Variants in DOCK4 observed in about 807,000 individuals in gnomAD.
The protein encoded by DOCK4 is dedicator of cytokinesis protein 4.
Under a neutral mutation model 268.1 loss-of-function variants are expected in DOCK4, and 97 were observed. The observed-to-expected ratio is 0.36, with a 90% CI of 0.31 to 0.43. DOCK4 has a LOEUF of 0.43. Ranked by LOEUF, DOCK4 falls within the 20% of genes least tolerant of loss-of-function variation. The pLI is 1.00. For missense variants in DOCK4, 2,145 were observed against 2,455.7 expected, an observed-to-expected ratio of 0.87 and a Z score of 2.67; for synonymous variants, 954 against 887.2, an observed-to-expected ratio of 1.08 and a Z score of -1.34.
At chr7:112,171,706 C>A (rs1169070854) in intron 1 of DOCK4, among the ~76,000 whole-genome samples, 1 of 152,198 alleles carries the variant, frequency 6.6e-6, no homozygotes, top group African/African-American at 2.4e-5. Flanking sequence ...TTCTCCACAT[C>A]AGTAATTATA....
chr7:111,856,991 ACTCT>A (rs750545659), intron 23 of DOCK4, among the ~76,000 whole-genome samples: 5 of 152,120 alleles, frequency 3.3e-5, no homozygotes, highest in Non-Finnish European at 7.4e-5. Flanking sequence ...CTTTCTAAGG[ACTCT>A]CTATTTTGCA....
intron 2 of DOCK4, among the ~76,000 whole-genome samples, chr7:112,001,800 G>C (rs962534749): frequency 1.3e-5 from 2 of 152,160 alleles, no homozygotes; most frequent in African/African-American, 2.4e-5. Flanking sequence ...ATAAGGTTCA[G>C]TACCATCCAA....
rs560862976 is a variant in DOCK4 at position 112,029,207 on chromosome 7, G to A, written c.38-25076C>T. ...CTGATAAGTTAATCATTGTGAATGT[G>A]CAAGTACAGAAAGGCTGGATGGCCA... is the stretch of plus-strand genomic sequence containing the variant. On this transcript the variant is annotated intron_variant, in intron 1 of 52. Transcript: ENST00000428084. Among the ~76,000 whole-genome samples, 9 of 152,264 alleles carry A rather than the reference G, an allele frequency of 5.9e-5. No homozygotes were observed. The South Asian group carries it at 1.9e-3, about 32-fold the overall frequency.
chr7:112,083,987 G>A (rs1444888878), intron 1 of DOCK4, among the ~76,000 whole-genome samples: 3 of 152,188 alleles, frequency 2.0e-5, no homozygotes, highest in African/African-American at 7.2e-5. Flanking sequence ...GCACAGTTGG[G>A]CTAACACTCT....
At chr7:111,739,013 T>C (rs529341754) in intron 49 of DOCK4, 121 bp downstream of exon 49, 23 of 719,736 alleles carry the variant, frequency 3.2e-5, no homozygotes, top group Admixed American at 5.3e-5. Context: ...CTTCACCAGC[T>C]GGATTGGTCT....
intron 1 of DOCK4, among the ~76,000 whole-genome samples, chr7:112,046,219 T>C (rs1804811293): frequency 6.6e-6 from 1 of 152,138 alleles, no homozygotes; most frequent in South Asian, 2.1e-4. Context: ...ATCTACACAA[T>C]ATAACATAAA....
Position 111,739,276 on chromosome 7 carries a change from A to C in DOCK4, c.5123-33T>G, listed in dbSNP as rs1191277505. 1.9e-6 allele frequency: 3 copies of C among 1,601,930 alleles called. No homozygotes were observed. The Admixed American group carries it at 5.0e-5, about 27-fold the overall frequency. ...GAGAAGGAGAGAGAGGATCATCAGC[A>C]TGGTAGTGGTGCTGCACCTGTTTGG... On this transcript the variant is annotated intron_variant, in intron 48 of 52. Coordinates refer to ENST00000428084, the MANE Select transcript of DOCK4 (RefSeq NM_001363540.2).
intron 1 of DOCK4, among the ~76,000 whole-genome samples, chr7:112,162,763 A>T (rs1586950998): frequency 6.6e-6 from 1 of 152,260 alleles, no homozygotes; most frequent in East Asian, 1.9e-4. Flanking sequence ...GTTATAGGAA[A>T]CCTCAAAATG....
intron 42 of DOCK4, among the ~76,000 whole-genome samples, chr7:111,750,958 C>T (rs1796598440): frequency 6.6e-6 from 1 of 152,190 alleles, no homozygotes. Context: ...TCCTGTACCT[C>T]AGGGTAATCA....
chr7:111,846,644 A>G (rs538877190), intron 24 of DOCK4, among the ~76,000 whole-genome samples: 1 of 152,020 alleles, frequency 6.6e-6, no homozygotes, highest in East Asian at 1.9e-4. Flanking sequence ...AGCCTTTCAC[A>G]GAATGGATCA....
Position 111,735,132 on chromosome 7 carries a change from T to C in DOCK4, c.5341A>G (p.Ser1781Gly). The C allele has an allele frequency of 6.3e-7, 1 of 1,598,322 alleles. No homozygotes were observed. Among genetic ancestry groups the C allele is most frequent in the East Asian group, 2.2e-5 (1 of 44,512 alleles). The part of the protein sequence containing the change: ...NPTPSSWSLD[S>G]GKEAKNMSDS... ...GACATGTTCTTGGCTTCCTTCCCAC[T>C]GTCCAGGCTCCAGCTGCTAGGGGTG... Residue 1781 changes from serine to glycine, a missense_variant, in exon 51 of 53, where the codon AGT (serine) becomes GGT (glycine). Ser to Gly is a moderately conservative substitution (Grantham distance 56). Transcript: ENST00000428084.
Position 111,989,058 on chromosome 7 carries a change from C to T in DOCK4, c.421G>A (p.Asp141Asn). ...VGHLTHDRMK[D>N]VKRHITARLD... ...CGGGCAGTAATGTGGCGCTTCACGT[C>T]CTTCATCCGGTCGTGGGTGAGGTGG... The change falls in exon 6 of 53, where the codon GAC becomes AAC. Residue 141 changes from aspartate (D) to asparagine (N), a missense_variant. By Grantham distance (23) the Asp-to-Asn change is conservative (BLOSUM62 1). Around this residue, in one of 2 missense-constraint regions of DOCK4, gnomAD observed 1,598 missense variants for 1,986.7 expected, o/e 0.80. Transcript: ENST00000428084. 6.2e-7 allele frequency: 1 copy of T among 1,613,950 alleles called. No homozygotes were observed. The highest frequency in any genetic ancestry group is 1.1e-5 in the South Asian group (1 of 91,072).
intron 12 of DOCK4, among the ~76,000 whole-genome samples, chr7:111,920,874 G>C (rs1343413476): frequency 6.6e-6 from 1 of 151,982 alleles, no homozygotes; most frequent in Non-Finnish European, 1.5e-5. Flanking sequence ...ACCACGGAAA[G>C]AATTGGAAAG....
At chr7:111,874,485 T>C (rs956561314) in intron 17 of DOCK4, among the ~76,000 whole-genome samples, 6 of 152,200 alleles carry the variant, frequency 3.9e-5, no homozygotes, top group Non-Finnish European at 7.3e-5. Context: ...CTGCTCATGA[T>C]GGAGCATGTG....
chr7:111,907,187 C>G (rs1687260360), intron 13 of DOCK4, among the ~76,000 whole-genome samples: 2 of 152,132 alleles, frequency 1.3e-5, no homozygotes, highest in Admixed American at 1.3e-4. Flanking sequence ...TAAAACCCAT[C>G]AGGTTTTCTC....
chr7:111,778,446 G>C, intron 35 of DOCK4, 77 bp from the exon 36 acceptor site: 1 of 861,688 alleles, frequency 1.2e-6, no homozygotes, highest in Non-Finnish European at 1.8e-6. Flanking sequence ...CTCTGCTAAA[G>C]TTCCATGTCT....
intron 1 of DOCK4, among the ~76,000 whole-genome samples, chr7:112,022,876 C>T (rs1802445920): frequency 6.6e-6 from 1 of 152,104 alleles, no homozygotes; most frequent in Non-Finnish European, 1.5e-5. Flanking sequence ...TGTAAATTGC[C>T]CCCAGAATTC....
intron 36 of DOCK4, among the ~76,000 whole-genome samples, chr7:111,774,565 G>A (rs909281265): frequency 2.6e-5 from 4 of 152,132 alleles, no homozygotes; most frequent in African/African-American, 9.7e-5. Context: ...GGGGCATGGA[G>A]ATGGTGAGAG....
chr7:111,935,454 C>T (rs751026142), intron 12 of DOCK4, 86 bp downstream of exon 12: 4 of 1,153,108 alleles, frequency 3.5e-6, no homozygotes, highest in Non-Finnish European at 5.3e-6. Context: ...AAACAAAGGG[C>T]TGATAATTTC....
Sources: allele counts gnomAD v4.1 joint callset (sites outside exome capture counted in the v4.1 genomes callset), GRCh38; gene constraint gnomAD v4.1.1; regional missense constraint gnomAD v4.1.1; transcripts MANE v1.5; gene names NCBI Gene and HGNC (gene_info 2026-07-23, HGNC 2026-07-21).